GLIS1: variants seen among roughly 807,000 people sequenced by gnomAD.
GLIS1 encodes the protein GLIS family zinc finger 1, also known as zinc finger protein GLIS1.
Under a neutral mutation model 63.8 loss-of-function variants are expected in GLIS1, and 24 were observed. The observed-to-expected ratio is 0.38, with a 90% CI of 0.27 to 0.53. The LOEUF (loss-of-function observed/expected upper bound fraction) is 0.53. Ranked by LOEUF, GLIS1 falls within the 20% of genes least tolerant of loss-of-function variation. GLIS1 has a pLI of 0.85. For synonymous variants in GLIS1, 450 were observed against 482.5 expected, an observed-to-expected ratio of 0.93 and a Z score of 0.88; for missense variants, 1,036 against 1,074.1, an observed-to-expected ratio of 0.96 and a Z score of 0.50.
chr1:53,514,348 G>A (rs949675346), intron 8 of GLIS1, among the ~76,000 whole-genome samples: 2 of 152,190 alleles, frequency 1.3e-5, no homozygotes, highest in South Asian at 2.1e-4. Context: ...GCTGGGAGGG[G>A]CCACAGCATT....
At chr1:53,548,933 C>G (rs1370489768) in intron 4 of GLIS1, among the ~76,000 whole-genome samples, 2 of 152,172 alleles carry the variant, frequency 1.3e-5, no homozygotes, top group African/African-American at 4.8e-5. Context: ...GCAGACAGCA[C>G]TCCCTATTCC....
chr1:53,682,870 G>A (rs966434703), intron 2 of GLIS1, among the ~76,000 whole-genome samples: 1 of 152,210 alleles, frequency 6.6e-6, no homozygotes, highest in African/African-American at 2.4e-5. Flanking sequence ...AGCACCTAGT[G>A]AGGGGTCAGA....
rs561668965 is a variant in GLIS1 at position 53,631,427 on chromosome 1, G to A, written c.260-31149C>T. On this transcript the variant is annotated intron_variant, in intron 2 of 10. Coordinates refer to ENST00000628545, the MANE Select transcript of GLIS1 (RefSeq NM_001367484.1). Reference sequence around the variant, plus strand: ...CACCATCTCTGAGCAACACCAGAGAGTTATAATAATCATAAATATCACATG... The same window carrying A: ...CACCATCTCTGAGCAACACCAGAGAATTATAATAATCATAAATATCACATG... Among the ~76,000 whole-genome samples, 4 of 152,284 alleles carry A rather than the reference G, an allele frequency of 2.6e-5. No individual in the cohort carries two copies. In the East Asian group the frequency reaches 5.8e-4, roughly 22 times the overall value.
chr1:53,686,293 G>C (rs529400608), intron 2 of GLIS1, among the ~76,000 whole-genome samples: 7 of 152,262 alleles, frequency 4.6e-5, no homozygotes, highest in Admixed American at 2.0e-4. Context: ...GTCAGACCGT[G>C]GCCCCTTGTT....
intron 2 of GLIS1, among the ~76,000 whole-genome samples, chr1:53,658,976 A>G (rs1645997181): frequency 6.6e-6 from 1 of 152,168 alleles, no homozygotes. Flanking sequence ...GGGGGTAGCA[A>G]TGCCCTGGCC....
At chr1:53,537,485 G>A (rs549500583) in intron 4 of GLIS1, among the ~76,000 whole-genome samples, 2 of 152,330 alleles carry the variant, frequency 1.3e-5, no homozygotes, top group South Asian at 4.1e-4. Context: ...CGCAAACAGA[G>A]GTTTGTGCTG....
chr1:53,635,635 A>G (rs1645715742), intron 2 of GLIS1, among the ~76,000 whole-genome samples: 1 of 152,144 alleles, frequency 6.6e-6, no homozygotes, highest in African/African-American at 2.4e-5. Context: ...GGCACACACT[A>G]CAATAGGATC....
At chr1:53,533,234 A>G (rs1042343163) in intron 4 of GLIS1, among the ~76,000 whole-genome samples, 1 of 152,210 alleles carries the variant, frequency 6.6e-6, no homozygotes. Context: ...CTTGTGGGGT[A>G]GGTTTTCCCT....
At chr1:53,650,397 C>A (rs1174605998) in intron 2 of GLIS1, among the ~76,000 whole-genome samples, 2 of 152,182 alleles carry the variant, frequency 1.3e-5, no homozygotes, top group Non-Finnish European at 2.9e-5. Context: ...CAAGACCAGC[C>A]TGGCCAACAT....
At chr1:53,738,978 C>G (rs557535593) in intron 1 of GLIS1, among the ~76,000 whole-genome samples, 127 bp downstream of exon 1, 1 of 152,178 alleles carries the variant, frequency 6.6e-6, no homozygotes, top group Non-Finnish European at 1.5e-5. Flanking sequence ...CCCAAACTCT[C>G]CGTTCCCCTC....
At chr1:53,629,458 A>G (rs543409744) in intron 2 of GLIS1, among the ~76,000 whole-genome samples, 32 of 152,324 alleles carry the variant, frequency 2.1e-4, no homozygotes, top group African/African-American at 7.5e-4. Context: ...CTGGCTCTTA[A>G]TGGTGCCCTA....
intron 4 of GLIS1, among the ~76,000 whole-genome samples, chr1:53,556,009 G>A (rs1644817800): frequency 7.8e-6 from 1 of 127,610 alleles, no homozygotes; most frequent in Admixed American, 8.1e-5. Context: ...GTATACTGCA[G>A]GTGTGTGTGT....
chr1:53,629,961 G>A (rs992798266), intron 2 of GLIS1, among the ~76,000 whole-genome samples: 4 of 152,132 alleles, frequency 2.6e-5, no homozygotes, highest in African/African-American at 7.2e-5. Flanking sequence ...TGAATTGGGG[G>A]TGAATCTTCA....
At chr1:53,545,554 G>A (rs1644688916) in intron 4 of GLIS1, among the ~76,000 whole-genome samples, 1 of 152,190 alleles carries the variant, frequency 6.6e-6, no homozygotes, top group African/African-American at 2.4e-5. Flanking sequence ...TTTTAGTAAA[G>A]AGTGTAATTA....
chr1:53,597,713 G>A (rs1478115541), intron 3 of GLIS1, among the ~76,000 whole-genome samples: 1 of 152,002 alleles, frequency 6.6e-6, no homozygotes, highest in Non-Finnish European at 1.5e-5. Context: ...AGGGGCTGGG[G>A]GTCTGTTTTT....
At chr1:53,527,783 TG>T (rs1454551923) in intron 5 of GLIS1, among the ~76,000 whole-genome samples, 1 of 151,950 alleles carries the variant, frequency 6.6e-6, no homozygotes, top group Non-Finnish European at 1.5e-5. Flanking sequence ...TGGATCCGAG[TG>T]GGGTGCTGGG....
At chr1:53,572,530 G>T (rs1236442767) in intron 4 of GLIS1, among the ~76,000 whole-genome samples, 1 of 152,196 alleles carries the variant, frequency 6.6e-6, no homozygotes, top group Non-Finnish European at 1.5e-5. Context: ...ACTCTTTCCA[G>T]CCCTGTCATA....
chr1:53,683,302 C>T (rs985279998), intron 2 of GLIS1, among the ~76,000 whole-genome samples: 9 of 151,994 alleles, frequency 5.9e-5, no homozygotes, highest in Non-Finnish European at 1.0e-4. Context: ...CCTCACACCG[C>T]GTGAATGTGA....
At chr1:53,711,641 T>C (rs1646648048) in intron 2 of GLIS1, among the ~76,000 whole-genome samples, 1 of 152,186 alleles carries the variant, frequency 6.6e-6, no homozygotes. Flanking sequence ...CTTAGTCTCC[T>C]GTCAGTTAAA....
Sources: allele counts gnomAD v4.1 joint callset (sites outside exome capture counted in the v4.1 genomes callset), GRCh38; gene constraint gnomAD v4.1.1; transcripts MANE v1.5; gene names NCBI Gene and HGNC (gene_info 2026-07-23, HGNC 2026-07-21).